Variants in SMG6 observed in about 807,000 individuals in gnomAD.
SMG6 encodes telomerase-binding protein EST1A.
SMG6 carries 66 observed loss-of-function variants against 142.2 expected under a neutral mutation model. The observed-to-expected ratio is 0.46, with a 90% CI of 0.38 to 0.57. SMG6 has a LOEUF of 0.57. Among genes scored for constraint, SMG6 ranks in the 20% least tolerant of loss-of-function variants. The pLI is 0.00. For synonymous variants in SMG6, 779 were observed against 702.4 expected (o/e 1.11, Z -1.72); for missense variants, 1,793 against 1,832.0 (o/e 0.98, Z 0.39).
intron 10 of SMG6, among the ~76,000 whole-genome samples, chr17:2,201,751 C>T (rs1220947596): frequency 6.6e-6 from 1 of 151,630 alleles, no homozygotes; most frequent in African/African-American, 2.4e-5. Context: ...AGGCTGGGTG[C>T]GGTGGCTCAT....
intron 13 of SMG6, among the ~76,000 whole-genome samples, chr17:2,140,858 T>C (rs2070456633): frequency 6.6e-6 from 1 of 152,166 alleles, no homozygotes. Flanking sequence ...AAACTGGAAT[T>C]GCCTTTCAAG....
chr17:2,119,230 T>C (rs985817657), intron 13 of SMG6, among the ~76,000 whole-genome samples: 2 of 151,994 alleles, frequency 1.3e-5, no homozygotes, highest in Non-Finnish European at 2.9e-5. Context: ...GCTAATTTTT[T>C]GTATTTCTAG....
chr17:2,270,675 A>T (rs1362602698), intron 8 of SMG6, among the ~76,000 whole-genome samples: 28 of 152,166 alleles, frequency 1.8e-4, no homozygotes, highest in Non-Finnish European at 1.6e-4. Context: ...GATCTCTTTC[A>T]ACCTCTATTC....
intron 10 of SMG6, among the ~76,000 whole-genome samples, chr17:2,218,246 A>G (rs972472395): frequency 1.3e-5 from 2 of 151,918 alleles, no homozygotes; most frequent in South Asian, 4.2e-4. Context: ...ATTCGTTAGT[A>G]AAAAAATAAG....
At chr17:2,089,392 G>T (rs933782900) in intron 13 of SMG6, among the ~76,000 whole-genome samples, 15 of 152,134 alleles carry the variant, frequency 9.9e-5, no homozygotes, top group Admixed American at 5.2e-4. Flanking sequence ...CTCCTCTGCG[G>T]TGTACCTTCT....
At chr17:2,067,494 A>C (rs1380111593) in intron 16 of SMG6, among the ~76,000 whole-genome samples, 1 of 152,196 alleles carries the variant, frequency 6.6e-6, no homozygotes, top group African/African-American at 2.4e-5. Context: ...GCAGAGAGAC[A>C]TATGACCCGG....
At chr17:2,113,743 C>T (rs1204288608) in intron 13 of SMG6, among the ~76,000 whole-genome samples, 1 of 152,110 alleles carries the variant, frequency 6.6e-6, no homozygotes, top group Non-Finnish European at 1.5e-5. Flanking sequence ...TATTAATATC[C>T]AGCCTACAGG....
chr17:2,161,193 T>C (rs896213187), intron 13 of SMG6, among the ~76,000 whole-genome samples: 12 of 151,112 alleles, frequency 7.9e-5, no homozygotes, highest in African/African-American at 2.9e-4. Context: ...CTGCAACCTC[T>C]GCCTCCTGGG....
intron 13 of SMG6, among the ~76,000 whole-genome samples, chr17:2,138,706 C>T (rs1400039258): frequency 6.6e-5 from 10 of 152,140 alleles, no homozygotes; most frequent in Non-Finnish European, 1.2e-4. Context: ...TTTTGGTTTC[C>T]CCCACCTCTC....
chr17:2,303,048 G>C, intron 1 of SMG6: 1 of 985,404 alleles, frequency 1.0e-6, no homozygotes, highest in Non-Finnish European at 1.2e-6. Flanking sequence ...AAATTAACTT[G>C]CAAATTGAGC....
chr17:2,174,503 A>G (rs1345561353), intron 12 of SMG6, among the ~76,000 whole-genome samples: 1 of 152,210 alleles, frequency 6.6e-6, no homozygotes, highest in African/African-American at 2.4e-5. Flanking sequence ...CACTAGGAAA[A>G]GGCAATGAAA....
intron 15 of SMG6, among the ~76,000 whole-genome samples, chr17:2,077,740 C>T (rs1183266895): frequency 6.6e-6 from 1 of 152,204 alleles, no homozygotes; most frequent in Non-Finnish European, 1.5e-5. Flanking sequence ...GATCACTGCA[C>T]ACCATAGCCT....
At chr17:2,096,612 C>T (rs2068862869) in intron 13 of SMG6, among the ~76,000 whole-genome samples, 2 of 152,162 alleles carry the variant, frequency 1.3e-5, no homozygotes, top group African/African-American at 2.4e-5. Context: ...TCCCAAAGTG[C>T]TGGAGTTGCA....
intron 13 of SMG6, among the ~76,000 whole-genome samples, chr17:2,172,243 A>T (rs1459972804): frequency 6.8e-6 from 1 of 146,242 alleles, no homozygotes; most frequent in Non-Finnish European, 1.5e-5. Context: ...CCTATTTATC[A>T]CTCTCCTCCT....
rs746827019 is a variant in SMG6, at chr17:2,236,505, G to A, written c.2856C>T (p.Asn952=). 1 of 1,612,792 alleles carries A rather than the reference G, an allele frequency of 6.2e-7. No individual in the cohort carries two copies. The highest frequency in any genetic ancestry group is 1.3e-5 in the African/African-American group (1 of 74,990). ...AACATGCCTTACCTTTCAGCTGGGA[G>A]TTGTGTACTGCAAACATATTGATGG... ...LMTINMFAVH[N]SQLKDCFSEE... is the part of the protein sequence containing the mutation. The change falls in exon 10 of 19, where the codon AAC becomes AAT. Residue 952 remains asparagine, a synonymous_variant. Coordinates refer to ENST00000263073, the MANE Select transcript of SMG6 (RefSeq NM_017575.5).
intron 10 of SMG6, among the ~76,000 whole-genome samples, chr17:2,202,325 G>A (rs1364864446): frequency 2.0e-5 from 3 of 152,176 alleles, no homozygotes; most frequent in Non-Finnish European, 4.4e-5. Flanking sequence ...AAGAGGAGAG[G>A]ATCACATGAG....
intron 8 of SMG6, among the ~76,000 whole-genome samples, chr17:2,246,019 A>G (rs2151304286): frequency 6.6e-6 from 1 of 152,294 alleles, no homozygotes; most frequent in South Asian, 2.1e-4. Context: ...TGGCTTTTAC[A>G]TGTTGGCTAC....
At chr17:2,146,667 G>A (rs540219162) in intron 13 of SMG6, among the ~76,000 whole-genome samples, 1 of 152,252 alleles carries the variant, frequency 6.6e-6, no homozygotes, top group East Asian at 1.9e-4. Flanking sequence ...TTAAGCTCAA[G>A]TGATCTGCCC....
rs770319839 is a variant in SMG6 at position 2,299,191 on chromosome 17, G to C, written c.1562C>G (p.Pro521Arg). 55 of 1,613,538 alleles carry C rather than the reference G, an allele frequency of 3.4e-5. No homozygotes were observed. The East Asian group carries it at 1.2e-3, about 35-fold the overall frequency. ...CTGTAGAGGGTTATAGCCCGTATAG[G>C]GATACTGGGAGGCAGGGCCTGGTGT... is the stretch of plus-strand genomic sequence containing the variant. ...PRTPGPASQYPYTGYNPLQYP... is the reference protein window; with the variant it reads ...PRTPGPASQYRYTGYNPLQYP... Residue 521 changes from proline to arginine, a missense_variant, in exon 2 of 19, where the codon CCC becomes CGC. By Grantham distance (103) the Pro-to-Arg change is moderately radical. Around this residue, in one of 3 missense-constraint regions of SMG6, gnomAD observed 1,597 missense variants for 1,584.6 expected, o/e 1.01. Coordinates refer to ENST00000263073, the MANE Select transcript of SMG6 (RefSeq NM_017575.5). This position sits in a 1 kb window ranked among gnomAD's most constrained non-coding sequence, Gnocchi z 4.3.
Sources: allele counts gnomAD v4.1 joint callset (sites outside exome capture counted in the v4.1 genomes callset), GRCh38; gene constraint gnomAD v4.1.1; regional missense constraint gnomAD v4.1.1; non-coding constraint Gnocchi (gnomAD v3.1); transcripts MANE v1.5; gene names NCBI Gene and HGNC (gene_info 2026-07-23, HGNC 2026-07-21).